The following MBD1 variants were observed in gnomAD, a reference collection of about 807,000 sequenced individuals.
MBD1 encodes methyl-CpG binding domain protein 1.
MBD1 carries 25 observed loss-of-function variants against 82.6 expected under a neutral mutation model. The ratio of observed to expected loss-of-function variants is 0.30; its 90% CI spans 0.22 to 0.42. MBD1 has a LOEUF of 0.42. MBD1 is among the 10% of genes least tolerant of loss of function. The probability of loss-of-function intolerance (pLI) is 1.00; values close to 1 mark genes in which losing one functional copy is unlikely to be tolerated. For synonymous variants in MBD1, 301 were observed against 303.7 expected (o/e 0.99, Z 0.09); for missense variants, 627 against 819.6 (o/e 0.76, Z 2.87).
chr18:50,271,567 G>A (rs368699583), intron 15 of MBD1, 27 bp from the exon 16 acceptor site: 2 of 1,613,956 alleles, frequency 1.2e-6, no homozygotes, highest in African/African-American at 2.7e-5. Flanking sequence ...AGGTCTGTAT[G>A]TTGAATGAGG....
rs764003398 is a variant in MBD1, at chr18:50,273,738, G to A, written c.1272C>T (p.Thr424=). 1 of 1,614,174 alleles carries A rather than the reference G, an allele frequency of 6.2e-7. No individual in the cohort carries two copies. The highest frequency in any genetic ancestry group is 1.1e-5 in the South Asian group (1 of 91,086). ...CTGGTTGGGCTGTGCGTGTAGCCAA[G>A]GTGGGCTTCAAGGTAGGGCCAAGAT... ...RHHLGPTLKP[T]LATRTAQPDH... The change falls in exon 12 of 17, where the codon ACC becomes ACT. Residue 424 remains threonine (T), a synonymous_variant. Coordinates refer to ENST00000269468, the MANE Select transcript of MBD1 (RefSeq NM_015846.4).
At chr18:50,279,854 C>G in intron 2 of MBD1, 29 bp downstream of exon 2, 1 of 1,613,694 alleles carries the variant, frequency 6.2e-7, no homozygotes, top group Non-Finnish European at 8.5e-7. Context: ...CTACCCCACT[C>G]CTGACTCTGC....
At chr18:50,270,365 T>C (rs1449419182) in intron 16 of MBD1, 5 of 596,684 alleles carry the variant, frequency 8.4e-6, no homozygotes, top group African/African-American at 1.8e-5. Flanking sequence ...TGGCACTTTA[T>C]GAATGAAGAA....
Position 50,273,487 on chromosome 18 carries a change from T to C in MBD1, c.1447-16A>G. The stretch of plus-strand genomic sequence containing the variant: ...ACTGGGCCTCCTGCGTGAGGGAGGA[T>C]TGCAGCAGACTTGGTCTCAGCTCCC... On this transcript the variant is annotated splice_polypyrimidine_tract_variant and intron_variant, in intron 12 of 16. Transcript: ENST00000269468. The C allele has an allele frequency of 6.2e-7, 1 of 1,614,072 alleles. No homozygotes were observed. The highest frequency in any genetic ancestry group is 2.2e-5 in the East Asian group (1 of 44,884).
intron 13 of MBD1, 98 bp downstream of exon 13, chr18:50,273,236 T>A: frequency 1.3e-6 from 2 of 1,499,562 alleles, no homozygotes; most frequent in Non-Finnish European, 1.8e-6. Flanking sequence ...AATCAGCACA[T>A]CTATTGCTCT....
At chr18:50,271,381 A>C in intron 16 of MBD1, 88 bp downstream of exon 16, 1 of 1,608,838 alleles carries the variant, frequency 6.2e-7, no homozygotes. Flanking sequence ...CCTAGGGTTG[A>C]TTCACACACA....
chr18:50,269,116 A>G lies in MBD1; in HGVS notation c.*735T>C. 1 of 1,025,486 alleles carries G rather than the reference A, an allele frequency of 9.8e-7. No homozygotes were observed. Among genetic ancestry groups the G allele is most frequent in the Non-Finnish European group, 1.2e-6 (1 of 853,814 alleles). The allele number at this position is 1,025,486 out of a possible 1,614,324, so 63.5% of individuals were successfully genotyped here. ...TATCCTAGTATTAAGTACAGTGCCT[A>G]CCACAGGCCAGGTTCTCAATACTTG... On this transcript the variant is annotated 3_prime_UTR_variant, in exon 17 of 17. Transcript: ENST00000269468.
intron 2 of MBD1, among the ~76,000 whole-genome samples, chr18:50,278,399 G>A (rs2038913534): frequency 6.6e-6 from 1 of 151,878 alleles, no homozygotes; most frequent in African/African-American, 2.4e-5. Context: ...TGTAACCCAG[G>A]AGTCTTACCC....
In MBD1 at chr18:50,273,587, C is replaced by G; in HGVS notation, c.1423G>C (p.Ala475Pro). 1 of 1,613,006 alleles carries G rather than the reference C, an allele frequency of 6.2e-7. No homozygotes were observed. Among genetic ancestry groups the G allele is most frequent in the Non-Finnish European group, 8.5e-7 (1 of 1,180,018 alleles). ...ACCTGCAACAGGGCTTCTGTGGAAGCTGCAACAGGGCCCGGCACCTGCACA... is the reference window on the plus strand; with the variant it reads ...ACCTGCAACAGGGCTTCTGTGGAAGGTGCAACAGGGCCCGGCACCTGCACA... Reference protein sequence around the residue: ...SPVQVPGPVAASTEALLQEAQ... With the variant: ...SPVQVPGPVAPSTEALLQEAQ... The change falls in exon 12 of 17, where the codon GCT becomes CCT. Residue 475 changes from alanine (A) to proline (P), a missense_variant. This residue lies in a region of MBD1 where 265 missense variants were observed against 278.4 expected (regional missense o/e 0.95). Coordinates refer to ENST00000269468, the MANE Select transcript of MBD1 (RefSeq NM_015846.4).
chr18:50,276,861 G>A lies in MBD1; in HGVS notation c.363C>T (p.Asp121=). 1 of 1,614,276 alleles carries A rather than the reference G, an allele frequency of 6.2e-7. No individual in the cohort carries two copies. The highest frequency in any genetic ancestry group is 8.5e-7 in the Non-Finnish European group (1 of 1,180,052). ...GAGCAGGGAATGAAGCTGGGGCTGT[G>A]TCAGTGTCAGCCTTGGTCTCATCCC... is the stretch of plus-strand genomic sequence containing the variant. The part of the protein sequence containing the change: ...APRDETKADT[D]TAPASFPAPG... Residue 121 remains aspartate, a synonymous_variant, in exon 4 of 17, where the codon GAC becomes GAT. Transcript: ENST00000269468.
Position 50,281,379 on chromosome 18 carries a change from C to A in MBD1, c.-42G>T. 2.8e-6 allele frequency: 2 copies of A among 718,828 alleles called. No homozygotes were observed. Among genetic ancestry groups the A allele is most frequent in the Non-Finnish European group, 4.8e-6 (2 of 416,270 alleles). The allele number at this position is 718,828 out of a possible 1,614,324, so 44.5% of individuals were successfully genotyped here. ...CTGTCTCACCAGTTTGGCACCAGGC[C>A]GGTATCTTCCGCCACTCTAGGCCCG... On this transcript the variant is annotated 5_prime_UTR_variant, in exon 1 of 17. Coordinates refer to ENST00000269468, the MANE Select transcript of MBD1 (RefSeq NM_015846.4).
intron 11 of MBD1, 94 bp downstream of exon 11, chr18:50,274,088 CCCCA>C: frequency 1.3e-6 from 2 of 1,520,898 alleles, no homozygotes; most frequent in Non-Finnish European, 9.1e-7. Context: ...AAAGCTACTG[CCCCA>C]CCCACCCACC....
At position 50,281,506 on chromosome 18, in the gene MBD1, C is replaced by A; in HGVS notation, c.-169G>T. ...TCTGAAGCGGTAGCTGTCGCCTCCG[C>A]GGCTGTTCGTTGCTCCCGGAACCGG... On this transcript the variant is annotated 5_prime_UTR_variant, in exon 1 of 17. Transcript: ENST00000269468. 1 of 579,646 alleles carries A rather than the reference C, an allele frequency of 1.7e-6. No homozygotes were observed. The highest frequency in any genetic ancestry group is 3.1e-6 in the Non-Finnish European group (1 of 326,364). 35.9% of individuals were successfully genotyped at this position (579,646 alleles called of 1,614,324 possible). A position where few individuals can be genotyped will look rare whatever the true frequency, so the allele number is the denominator to read the frequency against.
chr18:50,269,632 ACT>A lies in MBD1; in HGVS notation c.*217_*218del, dbSNP rs1167848844. 3 of 729,706 alleles carry A rather than the reference ACT, an allele frequency of 4.1e-6. No homozygotes were observed. The highest frequency in any genetic ancestry group is 2.6e-5 in the East Asian group (1 of 38,380). The allele number at this position is 729,706 out of a possible 1,614,324, so 45.2% of individuals were successfully genotyped here. A position where few individuals can be genotyped will look rare whatever the true frequency, so the allele number is the denominator to read the frequency against. ...AATTCCTGGGCCAGATGCATATTTAACTCTGTGAGGAAGGGCACCAGCTTCTT... is the reference window on the plus strand; with the variant it reads ...AATTCCTGGGCCAGATGCATATTTAACTGTGAGGAAGGGCACCAGCTTCTT... On this transcript the variant is annotated 3_prime_UTR_variant, in exon 17 of 17. Coordinates refer to ENST00000269468, the MANE Select transcript of MBD1 (RefSeq NM_015846.4).
chr18:50,273,039 T>C (rs1032324566), intron 13 of MBD1, 84 bp from the exon 14 acceptor site: 1 of 1,534,086 alleles, frequency 6.5e-7, no homozygotes, highest in Non-Finnish European at 9.0e-7. Context: ...CTCACTGTGC[T>C]GACAAATCCT....
chr18:50,267,389 G>A, downstream of MBD1: 1 of 511,022 alleles, frequency 2.0e-6, no homozygotes, highest in Non-Finnish European at 3.5e-6. Flanking sequence ...CTTCCTATTT[G>A]CCATTGGCAG....
Position 50,276,931 on chromosome 18 carries a change from C to T in MBD1, c.293G>A (p.Arg98His), listed in dbSNP as rs377403826. Reference sequence around the variant, plus strand: ...CTCACCACTCTGGGGTCCAACCTGACGTTTCCGAGTCTTGGCTGGCCTTGA... The same window carrying T: ...CTCACCACTCTGGGGTCCAACCTGATGTTTCCGAGTCTTGGCTGGCCTTGA... ...KPSRPAKTRK[R>H]QVGPQSGEVR... The change falls in exon 4 of 17, where the codon CGT becomes CAT. Residue 98 changes from arginine (R) to histidine (H), a missense_variant. Around this residue, in one of 6 missense-constraint regions of MBD1, gnomAD observed 75 missense variants for 74.7 expected, o/e 1.00. Transcript: ENST00000269468. 35 of 1,614,258 alleles carry T rather than the reference C, an allele frequency of 2.2e-5. No individual in the cohort carries two copies. The highest frequency in any genetic ancestry group is 3.3e-4 in the Middle Eastern group (2 of 6,062).
Position 50,272,966 on chromosome 18 carries a change from T to G in MBD1, c.1585-11A>C. On this transcript the variant is annotated splice_polypyrimidine_tract_variant and intron_variant, in intron 13 of 16. Coordinates refer to ENST00000269468, the MANE Select transcript of MBD1 (RefSeq NM_015846.4). Reference sequence around the variant, plus strand: ...GCCTGGGTCTACTGCCTGGGAGAAGTAGGAAACAGGCAACCATTAGAAGGG... The same window carrying G: ...GCCTGGGTCTACTGCCTGGGAGAAGGAGGAAACAGGCAACCATTAGAAGGG... 6.2e-7 allele frequency: 1 copy of G among 1,613,884 alleles called. No homozygotes were observed. Among genetic ancestry groups the G allele is most frequent in the South Asian group, 1.1e-5 (1 of 91,066 alleles).
At chr18:50,271,625 T>G (rs968659006) in intron 15 of MBD1, 85 bp from the exon 16 acceptor site, 13 of 1,408,124 alleles carry the variant, frequency 9.2e-6, no homozygotes, top group African/African-American at 1.4e-5. Flanking sequence ...CCTACTATTC[T>G]GTGTCCTCCA....
Sources: allele counts gnomAD v4.1 joint callset (sites outside exome capture counted in the v4.1 genomes callset), GRCh38; gene constraint gnomAD v4.1.1; regional missense constraint gnomAD v4.1.1; transcripts MANE v1.5; gene names NCBI Gene and HGNC (gene_info 2026-07-23, HGNC 2026-07-21).